The following ZNF107 variants were observed in gnomAD, a reference collection of about 807,000 sequenced individuals.
ZNF107 encodes the protein zinc finger protein 107.
A neutral mutation model predicts 12.3 loss-of-function variants in ZNF107; 19 were observed. That is an observed-to-expected ratio of 1.55 (90% CI 1.08 to 2.27). The LOEUF (loss-of-function observed/expected upper bound fraction) is 2.27. Ranked by LOEUF, ZNF107 falls within the 30% of genes most tolerant of loss-of-function variation. The pLI, the probability that ZNF107 is intolerant of heterozygous loss-of-function variation, is 0.00. For synonymous variants in ZNF107, 317 were observed against 330.5 expected (o/e 0.96, Z 0.44); for missense variants, 958 against 979.9 (o/e 0.98, Z 0.30).
intron 1 of ZNF107, among the ~76,000 whole-genome samples, chr7:64,688,227 G>A (rs1789991821): frequency 6.6e-6 from 1 of 151,038 alleles, no homozygotes; most frequent in Non-Finnish European, 1.5e-5. Flanking sequence ...AAGTAGACAT[G>A]AGAATCTCCA....
intron 1 of ZNF107, among the ~76,000 whole-genome samples, chr7:64,682,473 T>TA (rs1789722574): frequency 6.6e-6 from 1 of 152,056 alleles, no homozygotes; most frequent in African/African-American, 2.4e-5. Flanking sequence ...CATTCATCCT[T>TA]TCACTCCCTG....
At chr7:64,690,363 C>G (rs1790074269) in intron 1 of ZNF107, 1 of 985,278 alleles carries the variant, frequency 1.0e-6, no homozygotes, top group African/African-American at 1.7e-5. Context: ...AGCTGCAGTT[C>G]TGTTCAGATT....
chr7:64,667,393 A>C (rs1789043334), intron 1 of ZNF107, among the ~76,000 whole-genome samples: 1 of 152,222 alleles, frequency 6.6e-6, no homozygotes, highest in Non-Finnish European at 1.5e-5. Flanking sequence ...CAATGAGAAG[A>C]AAACAAAAAA....
chr7:64,699,382 A>G (rs1415433229), intron 3 of ZNF107, among the ~76,000 whole-genome samples: 1 of 152,146 alleles, frequency 6.6e-6, no homozygotes, highest in African/African-American at 2.4e-5. Context: ...TTTTGTCAGA[A>G]AACATGGAAT....
chr7:64,693,771 C>G (rs1008061521), intron 3 of ZNF107, among the ~76,000 whole-genome samples: 1 of 151,982 alleles, frequency 6.6e-6, no homozygotes, highest in African/African-American at 2.4e-5. Context: ...AGGATTTTTC[C>G]AGGTCACTGT....
chr7:64,682,070 C>G (rs1789700658), intron 1 of ZNF107, among the ~76,000 whole-genome samples: 1 of 151,924 alleles, frequency 6.6e-6, no homozygotes. Context: ...TGCCTGCGAC[C>G]TACTCTCTTT....
intron 3 of ZNF107, among the ~76,000 whole-genome samples, chr7:64,695,833 T>C (rs1790268790): frequency 6.6e-6 from 1 of 152,214 alleles, no homozygotes; most frequent in Non-Finnish European, 1.5e-5. Flanking sequence ...TGAGGCAATT[T>C]TTGAAAAGAT....
Position 64,666,220 on chromosome 7 carries a change from C to A in ZNF107, c.-63C>A. 1 of 1,597,742 alleles carries A rather than the reference C, an allele frequency of 6.3e-7. No individual in the cohort carries two copies. The highest frequency in any genetic ancestry group is 8.5e-7 in the Non-Finnish European group (1 of 1,169,646). ...TCCTAGAGGCCCAGCCTCTGTGTCCCTGTGACCTGCAGATATTGGGAGATC... is the reference window on the plus strand; with the variant it reads ...TCCTAGAGGCCCAGCCTCTGTGTCCATGTGACCTGCAGATATTGGGAGATC... On this transcript the variant is annotated 5_prime_UTR_variant, in exon 1 of 4. It adds an upstream start codon to the 5' untranslated region. Coordinates refer to ENST00000620827, the MANE Select transcript of ZNF107 (RefSeq NM_001282359.2).
intron 1 of ZNF107, among the ~76,000 whole-genome samples, chr7:64,681,766 C>A (rs1789685607): frequency 6.6e-6 from 1 of 152,126 alleles, no homozygotes; most frequent in Non-Finnish European, 1.5e-5. Context: ...TTTCAAAAAC[C>A]AGACAAGTCC....
intron 1 of ZNF107, among the ~76,000 whole-genome samples, chr7:64,670,323 CAG>C (rs965481616): frequency 1.5e-4 from 23 of 151,212 alleles, no homozygotes; most frequent in Admixed American, 1.1e-3. Context: ...AAGAAGGTCA[CAG>C]GGGAATGGCA....
At chr7:64,682,978 A>C (rs2128960064) in intron 1 of ZNF107, among the ~76,000 whole-genome samples, 1 of 152,056 alleles carries the variant, frequency 6.6e-6, no homozygotes, top group African/African-American at 2.4e-5. Flanking sequence ...CCAGTCCCAA[A>C]CCCAGATCAC....
intron 1 of ZNF107, among the ~76,000 whole-genome samples, chr7:64,682,564 G>A (rs1255111693): frequency 1.3e-5 from 2 of 152,100 alleles, no homozygotes; most frequent in Non-Finnish European, 2.9e-5. Flanking sequence ...GAGGTAAAGG[G>A]ATGTGCAGTT....
Position 64,706,621 on chromosome 7 carries a change from G to A in ZNF107, c.524G>A (p.Cys175Tyr). The change falls in exon 4 of 4, where the codon TGT becomes TAT. Residue 175 changes from cysteine (C) to tyrosine (Y), a missense_variant. Transcript: ENST00000620827. Reference sequence around the variant, plus strand: ...CATACAGGAAACAAACACTTCAAATGTAAAGAATGTAGCAAATCATTTTGC... The same window carrying A: ...CATACAGGAAACAAACACTTCAAATATAAAGAATGTAGCAAATCATTTTGC... ...RRHTGNKHFK[C>Y]KECSKSFCVL... is the part of the protein sequence containing the mutation. 6.2e-7 allele frequency: 1 copy of A among 1,613,352 alleles called. No individual in the cohort carries two copies. The highest frequency in any genetic ancestry group is 8.5e-7 in the Non-Finnish European group (1 of 1,179,564).
At chr7:64,679,979 T>G (rs1440159416) in intron 1 of ZNF107, among the ~76,000 whole-genome samples, 3 of 152,110 alleles carry the variant, frequency 2.0e-5, no homozygotes, top group Non-Finnish European at 4.4e-5. Context: ...CGAGTCCTTC[T>G]TGTCCACAGA....
rs1260082214 is a variant in ZNF107, at chr7:64,678,831, C to A, written c.4-12417C>A. The A allele has an allele frequency of 7.9e-5, 12 of 152,162 alleles. No individual in the cohort carries two copies. In the East Asian group the frequency reaches 2.1e-3, roughly 27 times the overall value. 9.4% of individuals were successfully genotyped at this position (152,162 alleles called of 1,614,324 possible). ...TTTATTTCACTAAATTGGAATGCTG[C>A]TATTACAAGACAAATAAGGGTGATG... On this transcript the variant is annotated intron_variant, in intron 1 of 3. Transcript: ENST00000620827.
intron 3 of ZNF107, among the ~76,000 whole-genome samples, chr7:64,706,120 C>T (rs969023757): frequency 5.9e-5 from 9 of 152,148 alleles, no homozygotes; most frequent in African/African-American, 1.9e-4. Context: ...ACTGCACACA[C>T]TGAACTCATT....
At chr7:64,676,925 G>A (rs1359098698) in intron 1 of ZNF107, among the ~76,000 whole-genome samples, 2 of 151,328 alleles carry the variant, frequency 1.3e-5, no homozygotes, top group Admixed American at 1.3e-4. Flanking sequence ...GTCATCTTAT[G>A]TTAAAAAAAA....
rs1285544905 is a variant in ZNF107 at position 64,707,241 on chromosome 7, T to C, written c.1144T>C (p.Leu382=). ...ATGTGACAAAGCTTTTAACCGATCC[T>C]TAAAACTTACTGCACATAAGAAAAT... is the stretch of plus-strand genomic sequence containing the variant. ...EECDKAFNRS[L]KLTAHKKILM... Residue 382 remains leucine (L), a synonymous_variant, in exon 4 of 4, where the codon TTA becomes CTA. Coordinates refer to ENST00000620827, the MANE Select transcript of ZNF107 (RefSeq NM_001282359.2). The C allele has an allele frequency of 1.9e-6, 3 of 1,613,000 alleles. No homozygotes were observed. The South Asian group carries it at 3.3e-5, about 18-fold the overall frequency.
Position 64,707,457 on chromosome 7 carries a change from A to C in ZNF107, c.1360A>C (p.Lys454Gln), listed in dbSNP as rs776780710. Residue 454 changes from lysine (K) to glutamine (Q), a missense_variant, in exon 4 of 4, where the codon AAA becomes CAA. By Grantham distance (53) the Lys-to-Gln change is moderately conservative. Coordinates refer to ENST00000620827, the MANE Select transcript of ZNF107 (RefSeq NM_001282359.2). ...KKIHTAEKSY[K>Q]CEECGKAFNQ... The stretch of plus-strand genomic sequence containing the variant: ...AATTCATACTGCAGAGAAATCCTAT[A>C]AATGTGAAGAATGTGGCAAAGCTTT... 3 of 1,613,186 alleles carry C rather than the reference A, an allele frequency of 1.9e-6. No individual in the cohort carries two copies. The highest frequency in any genetic ancestry group is 2.7e-5 in the African/African-American group (2 of 74,878).
Sources: allele counts gnomAD v4.1 joint callset (sites outside exome capture counted in the v4.1 genomes callset), GRCh38; gene constraint gnomAD v4.1.1; transcripts MANE v1.5; gene names NCBI Gene and HGNC (gene_info 2026-07-23, HGNC 2026-07-21).